ASS1: variants seen among roughly 807,000 people sequenced by gnomAD.
ASS1 encodes argininosuccinate synthase.
In ASS1, 58 loss-of-function variants were observed where a neutral mutation model predicts 60.5. The ratio of observed to expected loss-of-function variants is 0.96; its 90% CI spans 0.78 to 1.19. The LOEUF (loss-of-function observed/expected upper bound fraction) is 1.19, where lower values mean the gene tolerates loss of function less well. ASS1 is among the 50% of genes most tolerant of loss of function. The pLI is 0.00. For synonymous variants in ASS1, 200 were observed against 206.9 expected (o/e 0.97, Z 0.29); for missense variants, 454 against 547.3 (o/e 0.83, Z 1.70).
At chr9:130,458,310 A>T in intron 3 of ASS1, 91 bp from the exon 4 acceptor site, 1 of 1,474,028 alleles carries the variant, frequency 6.8e-7, no homozygotes, top group Non-Finnish European at 9.5e-7. Flanking sequence ...GGCCCCGTAT[A>T]GGTCTCAGCT....
intron 3 of ASS1, among the ~76,000 whole-genome samples, chr9:130,456,074 TCCTTTATTCTAGATGAGCAGTTCTCAAAA>T (rs1845443368): frequency 6.6e-6 from 1 of 152,256 alleles, no homozygotes. Context: ...TCAGCTTTTG[TCCTTTATTCTAGATGAGCAGTTCTCAAAA>T]CTTGTGGTCT....
rs1486449199 is a variant in ASS1, at chr9:130,476,911, C to A, written c.638C>A (p.Pro213Gln). 8 of 1,614,136 alleles carry A rather than the reference C, an allele frequency of 5.0e-6. No individual in the cohort carries two copies. Among genetic ancestry groups the A allele is most frequent in the Non-Finnish European group, 6.8e-6 (8 of 1,180,022 alleles). Residue 213 changes from proline to glutamine, a missense_variant, in exon 9 of 15, where the codon CCA becomes CAA. Pro to Gln is a moderately conservative substitution (Grantham distance 76, BLOSUM62 -1). Transcript: ENST00000352480. This position sits in a 1 kb window ranked among gnomAD's most constrained non-coding sequence, Gnocchi z 4.9. Reference sequence around the variant, plus strand: ...GGTCTCTACACGAAGACCCAGGACCCAGCCAAAGCCCCCAACACCCCTGAC... The same window carrying A: ...GGTCTCTACACGAAGACCCAGGACCAAGCCAAAGCCCCCAACACCCCTGAC... ...PPGLYTKTQD[P>Q]AKAPNTPDIL...
chr9:130,499,634 G>GC lies in ASS1; in HGVS notation c.1193+69dup, dbSNP rs543919138. ...CAGGTGTAAAGGGTAGGCTTTGAGA[G>GC]CCCCCAGGTGTAAAGGGTAGGCTTT... On this transcript the variant is annotated intron_variant, in intron 14 of 14. Coordinates refer to ENST00000352480, the MANE Select transcript of ASS1 (RefSeq NM_054012.4). 4.4e-4 allele frequency: 670 copies of GC among 1,506,708 alleles called. 1 individual carries two copies. In the Middle Eastern group the frequency reaches 6.1e-3, roughly 14 times the overall value. The allele number at this position is 1,506,708 out of a possible 1,614,324, so 93.3% of individuals were successfully genotyped here. A position where few individuals can be genotyped will look rare whatever the true frequency, so the allele number is the denominator to read the frequency against.
rs1471759609 is a variant in ASS1, at chr9:130,488,692, A to G, written c.839-641A>G. Among the ~76,000 whole-genome samples the G allele has an allele frequency of 6.6e-6, 1 of 152,210 alleles. No homozygotes were observed. The highest frequency in any genetic ancestry group is 1.5e-5 in the Non-Finnish European group (1 of 68,028). On this transcript the variant is annotated intron_variant, in intron 11 of 14. Coordinates refer to ENST00000352480, the MANE Select transcript of ASS1 (RefSeq NM_054012.4). The surrounding 1 kb of genome is among the most constrained non-coding windows in gnomAD (Gnocchi z 5.2). ...TCCACGGCCAGGTGACTTACAGGGC[A>G]GCAGACAGCACTGGTGAGGGACTCG... is the stretch of plus-strand genomic sequence containing the variant.
In ASS1 at chr9:130,456,935, T is replaced by A. The variant is rs912579595; in HGVS notation, c.175-1466T>A. ...AGAGTCCATCTCAAAAAAATAAAAA[T>A]TACTGAAGGCCTTAGAGAGCTTTTG... is the stretch of plus-strand genomic sequence containing the variant. On this transcript the variant is annotated intron_variant, in intron 3 of 14. Coordinates refer to ENST00000352480, the MANE Select transcript of ASS1 (RefSeq NM_054012.4). Among the ~76,000 whole-genome samples, 65 of 150,558 alleles carry A rather than the reference T, an allele frequency of 4.3e-4. 1 individual carries two copies. The highest frequency in any genetic ancestry group is 1.0e-4 in the Non-Finnish European group (7 of 67,734).
intron 6 of ASS1, among the ~76,000 whole-genome samples, chr9:130,468,577 A>C (rs1845798858): frequency 6.6e-6 from 1 of 151,932 alleles, no homozygotes; most frequent in South Asian, 2.1e-4. Flanking sequence ...ACATCTGGCT[A>C]ATTTTTGTTT....
intron 1 of ASS1, among the ~76,000 whole-genome samples, chr9:130,446,947 T>C (rs1313274108): frequency 6.6e-6 from 1 of 152,070 alleles, no homozygotes; most frequent in Non-Finnish European, 1.5e-5. Flanking sequence ...AGACTTGGGG[T>C]CGACCAGGCA....
At chr9:130,498,083 G>A (rs371576346) in intron 13 of ASS1, among the ~76,000 whole-genome samples, 8 of 152,238 alleles carry the variant, frequency 5.3e-5, no homozygotes, top group African/African-American at 1.7e-4. Context: ...CGCACCCACC[G>A]GCTTCAAGGC....
At chr9:130,479,385 C>T (rs1479527745) in intron 9 of ASS1, among the ~76,000 whole-genome samples, 2 of 152,120 alleles carry the variant, frequency 1.3e-5, no homozygotes, top group Admixed American at 6.5e-5. Flanking sequence ...AAGGTGCTCC[C>T]GGCGTAAGAC....
Position 130,499,547 on chromosome 9 carries a change from G to T in ASS1, c.1170G>T (p.Gly390=), listed in dbSNP as rs1332789289. 1 of 1,613,686 alleles carries T rather than the reference G, an allele frequency of 6.2e-7. No individual in the cohort carries two copies. The part of the protein sequence containing the change: ...QGDYEPTDAT[G]FININSLRLK... ...ATTATGAGCCAACTGATGCCACCGG[G>T]TTCATCAACATCAATTCCCTCAGGT... is the stretch of plus-strand genomic sequence containing the variant. Residue 390 remains glycine, a synonymous_variant, in exon 14 of 15, where the codon GGG becomes GGT. Coordinates refer to ENST00000352480, the MANE Select transcript of ASS1 (RefSeq NM_054012.4).
intron 7 of ASS1, 26 bp from the exon 8 acceptor site, chr9:130,471,459 C>G: frequency 1.2e-6 from 2 of 1,613,926 alleles, no homozygotes; most frequent in Non-Finnish European, 1.7e-6. Context: ...CCCCAGCTGA[C>G]CCTGTCTTTC....
Position 130,488,599 on chromosome 9 carries a change from G to C in ASS1, c.839-734G>C, listed in dbSNP as rs1215778178. The stretch of plus-strand genomic sequence containing the variant: ...AAGCAGGTTGTTTTCCAAATGGAGG[G>C]ACTGGGCCTGAGGTCACAAGAGGGG... On this transcript the variant is annotated intron_variant, in intron 11 of 14. Coordinates refer to ENST00000352480, the MANE Select transcript of ASS1 (RefSeq NM_054012.4). The surrounding 1 kb of genome is among the most constrained non-coding windows in gnomAD (Gnocchi z 5.2). Among the ~76,000 whole-genome samples, 2 of 152,248 alleles carry C rather than the reference G, an allele frequency of 1.3e-5. No individual in the cohort carries two copies. Among genetic ancestry groups the C allele is most frequent in the Non-Finnish European group, 1.5e-5 (1 of 68,046 alleles).
At chr9:130,479,868 T>G in intron 10 of ASS1, 68 bp downstream of exon 10, 1 of 1,494,022 alleles carries the variant, frequency 6.7e-7, no homozygotes, top group Non-Finnish European at 9.3e-7. Context: ...GCCTGGACCG[T>G]TGCAGCTAAT....
chr9:130,458,969 C>T (rs771545746), intron 4 of ASS1, among the ~76,000 whole-genome samples: 44 of 152,248 alleles, frequency 2.9e-4, no homozygotes, highest in Non-Finnish European at 8.8e-5. Flanking sequence ...GGTTCAAAGG[C>T]AGCTCTGCTG....
chr9:130,463,827 G>C (rs1255807679), intron 4 of ASS1, among the ~76,000 whole-genome samples: 1 of 152,152 alleles, frequency 6.6e-6, no homozygotes, highest in Non-Finnish European at 1.5e-5. Flanking sequence ...TGGCCCCCCA[G>C]GTCTTGCCAG....
At chr9:130,457,739 C>T (rs1247048560) in intron 3 of ASS1, among the ~76,000 whole-genome samples, 1 of 152,186 alleles carries the variant, frequency 6.6e-6, no homozygotes, top group Non-Finnish European at 1.5e-5. Context: ...CCTACTCCCA[C>T]CCCCAACAGG....
chr9:130,461,551 C>T (rs983089486), intron 4 of ASS1, among the ~76,000 whole-genome samples: 3 of 152,172 alleles, frequency 2.0e-5, no homozygotes, highest in Non-Finnish European at 2.9e-5. Context: ...GGACGGACTC[C>T]GGGGATGCCG....
At chr9:130,457,161 T>C (rs1218174599) in intron 3 of ASS1, among the ~76,000 whole-genome samples, 1 of 152,246 alleles carries the variant, frequency 6.6e-6, no homozygotes, top group Non-Finnish European at 1.5e-5. Context: ...AGATGGACTC[T>C]TGTAGCGGTT....
chr9:130,494,269 T>G lies in ASS1; in HGVS notation c.971-598T>G, dbSNP rs1233947903. Reference sequence around the variant, plus strand: ...GGGTGGGCTCTGGCCAGGACTCCAGTTCACAGTAGCCCCTAAGGCTGGTGC... The same window carrying G: ...GGGTGGGCTCTGGCCAGGACTCCAGGTCACAGTAGCCCCTAAGGCTGGTGC... On this transcript the variant is annotated intron_variant, in intron 12 of 14. Coordinates refer to ENST00000352480, the MANE Select transcript of ASS1 (RefSeq NM_054012.4). This position sits in a 1 kb window ranked among gnomAD's most constrained non-coding sequence, Gnocchi z 4.3. Among the ~76,000 whole-genome samples, 1 of 152,210 alleles carries G rather than the reference T, an allele frequency of 6.6e-6. No homozygotes were observed. The highest frequency in any genetic ancestry group is 2.4e-5 in the African/African-American group (1 of 41,452).
Sources: allele counts gnomAD v4.1 joint callset (sites outside exome capture counted in the v4.1 genomes callset), GRCh38; gene constraint gnomAD v4.1.1; non-coding constraint Gnocchi (gnomAD v3.1); transcripts MANE v1.5; gene names NCBI Gene and HGNC (gene_info 2026-07-23, HGNC 2026-07-21).